SYT7: variants seen among roughly 807,000 people sequenced by gnomAD.
SYT7 encodes synaptotagmin-7.
In SYT7, 29 loss-of-function variants were observed where a neutral mutation model predicts 75.1. That is an observed-to-expected ratio of 0.39 (90% CI 0.29 to 0.53). The LOEUF is 0.53. Ranked by LOEUF, SYT7 falls within the 20% of genes least tolerant of loss-of-function variation. The pLI is 0.77. For synonymous variants in SYT7, 376 were observed against 401.7 expected (o/e 0.94, Z 0.76); for missense variants, 693 against 953.2 (o/e 0.73, Z 3.59).
At chr11:61,549,150 T>A (rs2063276255) in intron 3 of SYT7, among the ~76,000 whole-genome samples, 5 of 151,990 alleles carry the variant, frequency 3.3e-5, no homozygotes. Flanking sequence ...CTCCAGAATC[T>A]AGGGCCATCC....
rs1002624828 is a variant in SYT7, at chr11:61,546,149, C to G, written c.454G>C (p.Asp152His). The G allele has an allele frequency of 2.6e-6, 4 of 1,528,484 alleles. No homozygotes were observed. Among genetic ancestry groups the G allele is most frequent in the Non-Finnish European group, 3.5e-6 (4 of 1,143,774 alleles). The allele number at this position is 1,528,484 out of a possible 1,614,324, so 94.7% of individuals were successfully genotyped here. ...GCAGCCCCGCCGCTTCTCAAGGCGT[C>G]CTCTCCGGGTGGCGGCACCGGTGCC... The part of the protein sequence containing the change: ...KPAPVPPPGE[D>H]ALRSGGAAPS... The change falls in exon 5 of 13, where the codon GAC becomes CAC. Residue 152 changes from aspartate to histidine, a missense_variant. Around this residue, in one of 2 missense-constraint regions of SYT7, gnomAD observed 487 missense variants for 593.2 expected, o/e 0.82. Coordinates refer to ENST00000539008, the MANE Select transcript of SYT7 (RefSeq NM_001365809.2). This position sits in a 1 kb window ranked among gnomAD's most constrained non-coding sequence, Gnocchi z 7.6.
intron 5 of SYT7, among the ~76,000 whole-genome samples, chr11:61,544,389 GAGTAT>G (rs896771015): frequency 2.0e-5 from 3 of 152,220 alleles, no homozygotes; most frequent in African/African-American, 7.2e-5. Flanking sequence ...GGGAGAGAAA[GAGTAT>G]AGTAAAGAGA....
chr11:61,551,609 G>A lies in SYT7; in HGVS notation c.136-146C>T, dbSNP rs574571281. On this transcript the variant is annotated intron_variant, in intron 2 of 12. Coordinates refer to ENST00000539008, the MANE Select transcript of SYT7 (RefSeq NM_001365809.2). The surrounding 1 kb of genome is among the most constrained non-coding windows in gnomAD (Gnocchi z 5.3). ...GACCAGTGTGCGAGGCTGTCACCGC[G>A]GTGGGGGCCAATCCCCTGGATGCCT... 1.7e-4 allele frequency: 131 copies of A among 778,834 alleles called. No homozygotes were observed. In the African/African-American group the frequency reaches 1.7e-3, roughly 10 times the overall value. 48.2% of individuals were successfully genotyped at this position (778,834 alleles called of 1,614,324 possible).
chr11:61,542,490 A>T lies in SYT7; in HGVS notation c.662T>A (p.Leu221Gln). The T allele has an allele frequency of 6.5e-7, 1 of 1,532,942 alleles. No individual in the cohort carries two copies. The highest frequency in any genetic ancestry group is 1.4e-5 in the African/African-American group (1 of 72,970). The allele number at this position is 1,532,942 out of a possible 1,614,324, so 95.0% of individuals were successfully genotyped here. Residue 221 changes from leucine to glutamine, a missense_variant, in exon 6 of 13, where the codon CTG (leucine) becomes CAG (glutamine). By Grantham distance (113) the Leu-to-Gln change is moderately radical. Coordinates refer to ENST00000539008, the MANE Select transcript of SYT7 (RefSeq NM_001365809.2). This position sits in a 1 kb window ranked among gnomAD's most constrained non-coding sequence, Gnocchi z 7.8. ...CTGTTGCAGGCTCTGCTGCCGCATCAGGGTGCGGGGTCGCTGGCATTTCGG... is the reference window on the plus strand; with the variant it reads ...CTGTTGCAGGCTCTGCTGCCGCATCTGGGTGCGGGGTCGCTGGCATTTCGG... ...GEPKCQRPRTLMRQQSLQQPL... is the reference protein window; with the variant it reads ...GEPKCQRPRTQMRQQSLQQPL...
upstream of SYT7, among the ~76,000 whole-genome samples, chr11:61,582,775 C>G (rs200772452): frequency 1.6e-4 from 25 of 152,276 alleles, no homozygotes; most frequent in East Asian, 4.1e-3. Flanking sequence ...GTCTTCCCCC[C>G]ACTCACCCAA....
At chr11:61,527,866 G>A in intron 9 of SYT7, 49 bp downstream of exon 9, 2 of 1,600,114 alleles carry the variant, frequency 1.2e-6, no homozygotes, top group Non-Finnish European at 1.7e-6. Flanking sequence ...TAGGGGGATG[G>A]TAGACAGCAA....
chr11:61,554,832 G>A (rs1167047124), intron 2 of SYT7, among the ~76,000 whole-genome samples: 4 of 152,126 alleles, frequency 2.6e-5, no homozygotes, highest in African/African-American at 9.7e-5. Context: ...GCACACACTT[G>A]CACACATGCA....
At chr11:61,519,666 G>A (rs896777456) in intron 12 of SYT7, among the ~76,000 whole-genome samples, 2 of 152,188 alleles carry the variant, frequency 1.3e-5, no homozygotes, top group Admixed American at 1.3e-4. Flanking sequence ...GCAACGCAGT[G>A]CCCATGTTGG....
intron 1 of SYT7, among the ~76,000 whole-genome samples, chr11:61,568,599 C>T (rs189387800): frequency 3.3e-5 from 5 of 152,280 alleles, no homozygotes; most frequent in African/African-American, 9.6e-5. Context: ...AGTGCTGAGA[C>T]GGGCATGGGA....
intron 2 of SYT7, among the ~76,000 whole-genome samples, chr11:61,555,360 G>C (rs56188017): frequency 0.13 from 19,926 of 152,282 alleles, 1,749 homozygotes; most frequent in Middle Eastern, 0.23. Flanking sequence ...CCGGGCGGCA[G>C]GAGTGGGGAC....
At chr11:61,526,996 G>A (rs969672078) in intron 9 of SYT7, among the ~76,000 whole-genome samples, 2 of 152,172 alleles carry the variant, frequency 1.3e-5, no homozygotes, top group African/African-American at 4.8e-5. Context: ...GGGGCCATTG[G>A]CAAAGGGTTA....
At chr11:61,538,346 G>GGAGAGGGA (rs1555006884) in intron 6 of SYT7, 80 bp from the exon 7 acceptor site, 20 of 203,290 alleles carry the variant, frequency 9.8e-5, no homozygotes, top group East Asian at 7.4e-4. Flanking sequence ...GGAGAGAGAG[G>GGAGAGGGA]GAGAGAGAGA....
chr11:61,553,280 A>C lies in SYT7; in HGVS notation c.136-1817T>G, dbSNP rs1350213860. On this transcript the variant is annotated intron_variant, in intron 2 of 12. Transcript: ENST00000539008. This position sits in a 1 kb window ranked among gnomAD's most constrained non-coding sequence, Gnocchi z 5.2. ...TCAGGCCCCCTTTGGCAGGACCCTC[A>C]GGCAGGAGCCCCGCCCCACTATTCT... is the stretch of plus-strand genomic sequence containing the variant. Among the ~76,000 whole-genome samples, 2 of 152,168 alleles carry C rather than the reference A, an allele frequency of 1.3e-5. No individual in the cohort carries two copies. Among genetic ancestry groups the C allele is most frequent in the African/African-American group, 4.8e-5 (2 of 41,446 alleles).
intron 6 of SYT7, chr11:61,540,562 C>T: frequency 1.0e-6 from 1 of 985,528 alleles, no homozygotes; most frequent in Non-Finnish European, 1.2e-6. Flanking sequence ...TGAGACTTGT[C>T]CTGGGGCACA....
intron 3 of SYT7, among the ~76,000 whole-genome samples, chr11:61,550,833 C>T (rs2063326443): frequency 6.6e-6 from 1 of 152,292 alleles, no homozygotes; most frequent in South Asian, 2.1e-4. Flanking sequence ...GAGGCAGAGA[C>T]AGCCAGACAC....
chr11:61,535,965 G>C (rs970366797), intron 7 of SYT7, among the ~76,000 whole-genome samples: 3 of 152,200 alleles, frequency 2.0e-5, no homozygotes, highest in African/African-American at 7.2e-5. Flanking sequence ...GCTCAGAGGG[G>C]TGGGGCCCTA....
At chr11:61,560,367 G>A (rs866261557) in intron 1 of SYT7, among the ~76,000 whole-genome samples, 3 of 152,166 alleles carry the variant, frequency 2.0e-5, no homozygotes, top group African/African-American at 7.2e-5. Context: ...CACTGTTCCT[G>A]TCTGTGTTCT....
rs766470061 is a variant in SYT7, at chr11:61,514,233, G to A, written c.*4394C>T. ...TCAGTTTTCCAGGGCTGCTTTCATG[G>A]AGAGCGCCTGAACAGAAGCTCTGGC... On this transcript the variant is annotated 3_prime_UTR_variant, in exon 13 of 13. Coordinates refer to ENST00000539008, the MANE Select transcript of SYT7 (RefSeq NM_001365809.2). 3.9e-5 allele frequency among the ~76,000 whole-genome samples: 6 copies of A among 152,256 alleles called. No homozygotes were observed. Among genetic ancestry groups the A allele is most frequent in the African/African-American group, 1.2e-4 (5 of 41,462 alleles).
intron 4 of SYT7, 127 bp downstream of exon 4, chr11:61,547,050 A>G (rs1053302153): frequency 4.3e-6 from 5 of 1,158,762 alleles, no homozygotes; most frequent in Non-Finnish European, 5.9e-6. Context: ...TGGGTGGGGA[A>G]GTTGGGGGAC....
Sources: allele counts gnomAD v4.1 joint callset (sites outside exome capture counted in the v4.1 genomes callset), GRCh38; gene constraint gnomAD v4.1.1; regional missense constraint gnomAD v4.1.1; non-coding constraint Gnocchi (gnomAD v3.1); transcripts MANE v1.5; gene names NCBI Gene and HGNC (gene_info 2026-07-23, HGNC 2026-07-21).